The following ZFHX3 variants were observed in gnomAD, a reference collection of about 807,000 sequenced individuals.
ZFHX3 encodes zinc finger homeobox 3.
In ZFHX3, 42 loss-of-function variants were observed where a neutral mutation model predicts 279.1. The ratio of observed to expected loss-of-function variants is 0.15; its 90% confidence interval spans 0.12 to 0.19. ZFHX3 has a LOEUF of 0.19. Among genes scored for constraint, ZFHX3 ranks in the 10% least tolerant of loss-of-function variants. The pLI is 1.00. For synonymous variants in ZFHX3, 2,293 were observed against 1,957.8 expected (o/e 1.17, Z -4.52); for missense variants, 4,981 against 4,754.0 (o/e 1.05, Z -1.40).
At chr16:72,976,793 G>A (rs1418198434) in intron 1 of ZFHX3, among the ~76,000 whole-genome samples, 2 of 152,156 alleles carry the variant, frequency 1.3e-5, no homozygotes, top group African/African-American at 4.8e-5. Context: ...ACTGACCATG[G>A]CATCTCATGG....
chr16:73,177,357 A>G (rs1219026126), intron 5 of ZFHX3, among the ~76,000 whole-genome samples: 1 of 152,244 alleles, frequency 6.6e-6, no homozygotes, highest in Non-Finnish European at 1.5e-5. Flanking sequence ...TTTATAGTGA[A>G]AACTTGCGGA....
chr16:73,776,294 A>G (rs901473843), intron 1 of ZFHX3, among the ~76,000 whole-genome samples: 19 of 152,124 alleles, frequency 1.2e-4, no homozygotes, highest in African/African-American at 4.3e-4. Context: ...TCCCGTCTTT[A>G]TGTAAAACAA....
intron 3 of ZFHX3, among the ~76,000 whole-genome samples, chr16:72,909,267 A>G (rs1388737262): frequency 6.6e-6 from 1 of 152,186 alleles, no homozygotes; most frequent in Non-Finnish European, 1.5e-5. Flanking sequence ...TTCAGAGGGT[A>G]AAAAAGCTTA....
intron 3 of ZFHX3, among the ~76,000 whole-genome samples, chr16:73,398,078 C>A (rs1407516834): frequency 6.6e-6 from 1 of 152,198 alleles, no homozygotes; most frequent in East Asian, 1.9e-4. Flanking sequence ...CTCCTGCCCT[C>A]AGGTGATCCA....
intron 5 of ZFHX3, among the ~76,000 whole-genome samples, chr16:73,250,242 A>T (rs1051957780): frequency 2.6e-5 from 4 of 152,258 alleles, no homozygotes; most frequent in African/African-American, 9.6e-5. Flanking sequence ...ATATCATGAT[A>T]TACCAAGCAT....
At chr16:73,689,823 T>G (rs1043134629) in intron 1 of ZFHX3, among the ~76,000 whole-genome samples, 1 of 150,232 alleles carries the variant, frequency 6.7e-6, no homozygotes, top group African/African-American at 2.5e-5. Context: ...TTTTGTTTTT[T>G]TTGTTGTTGT....
chr16:73,184,716 AT>A (rs1344459784), intron 5 of ZFHX3, among the ~76,000 whole-genome samples: 1 of 152,164 alleles, frequency 6.6e-6, no homozygotes, highest in East Asian at 1.9e-4. Flanking sequence ...AGTGAAATCC[AT>A]TTGCAAGGAT....
chr16:73,172,993 TTTGTTTTTTTTTTTG>T (rs767480220), intron 5 of ZFHX3, among the ~76,000 whole-genome samples: 21 of 52,656 alleles, frequency 4.0e-4, no homozygotes, highest in Admixed American at 8.2e-4. Context: ...GGACTGTTTT[TTTGTTTTTTTTTTTG>T]TTTTTTTTTT....
intron 1 of ZFHX3, among the ~76,000 whole-genome samples, chr16:73,823,906 T>C (rs562290155): frequency 6.6e-6 from 1 of 152,170 alleles, no homozygotes; most frequent in African/African-American, 2.4e-5. Flanking sequence ...AGGTGCATGA[T>C]AAACATTTTT....
chr16:73,883,105 G>GT (rs995381869), intron 1 of ZFHX3, among the ~76,000 whole-genome samples: 2 of 151,946 alleles, frequency 1.3e-5, no homozygotes, highest in African/African-American at 2.4e-5. Flanking sequence ...GATATTTGTG[G>GT]TTTTTTGGTT....
At chr16:73,543,204 A>G (rs1391309448) in intron 2 of ZFHX3, among the ~76,000 whole-genome samples, 3 of 152,242 alleles carry the variant, frequency 2.0e-5, no homozygotes, top group Non-Finnish European at 4.4e-5. Flanking sequence ...ATAACTGAAT[A>G]GGTAAAAAAT....
intron 1 of ZFHX3, among the ~76,000 whole-genome samples, chr16:72,977,595 G>GC (rs1567615484): frequency 6.6e-6 from 1 of 151,382 alleles, no homozygotes; most frequent in Non-Finnish European, 1.5e-5. Flanking sequence ...TCAGTGGGGG[G>GC]AAAAAAATCA....
intron 1 of ZFHX3, among the ~76,000 whole-genome samples, chr16:73,842,913 A>T (rs994654331): frequency 6.6e-6 from 1 of 152,166 alleles, no homozygotes; most frequent in African/African-American, 2.4e-5. Flanking sequence ...CCTCTTTTCT[A>T]ACACTTATTT....
At chr16:73,116,222 T>C (rs908988330) in intron 7 of ZFHX3, among the ~76,000 whole-genome samples, 17 of 151,654 alleles carry the variant, frequency 1.1e-4, no homozygotes, top group Non-Finnish European at 2.5e-4. Context: ...CCTTCAAGAG[T>C]CTCCCAGATG....
intron 3 of ZFHX3, among the ~76,000 whole-genome samples, chr16:72,890,450 A>C (rs2038744045): frequency 6.6e-6 from 1 of 150,868 alleles, no homozygotes; most frequent in African/African-American, 2.4e-5. Context: ...TAGTAGCAGC[A>C]CGGTAATGGA....
intron 2 of ZFHX3, among the ~76,000 whole-genome samples, chr16:73,642,510 C>T (rs1323203254): frequency 1.3e-5 from 2 of 152,156 alleles, no homozygotes; most frequent in African/African-American, 4.8e-5. Flanking sequence ...AATTTGATCA[C>T]GCATATATTC....
intron 3 of ZFHX3, among the ~76,000 whole-genome samples, chr16:73,455,191 T>C (rs1290263803): frequency 1.3e-5 from 2 of 152,188 alleles, no homozygotes; most frequent in East Asian, 1.9e-4. Context: ...CCACACCTGC[T>C]TTTGGAACAA....
chr16:73,623,365 ATT>A (rs534706829), intron 2 of ZFHX3, among the ~76,000 whole-genome samples: 1 of 151,436 alleles, frequency 6.6e-6, no homozygotes, highest in Admixed American at 6.6e-5. Context: ...AGTGCAACAT[ATT>A]TTTTTTTCCA....
At chr16:73,589,009 C>T (rs141543344) in intron 2 of ZFHX3, among the ~76,000 whole-genome samples, 2,758 of 151,828 alleles carry the variant, frequency 0.018, 40 homozygotes, top group Non-Finnish European at 0.031. Flanking sequence ...GCCTGTAATC[C>T]CAGCACTTTG....
Sources: gnomAD v4.1 joint callset for allele counts (sites outside exome capture counted in the v4.1 genomes callset) on GRCh38, gnomAD v4.1.1 for gene constraint, MANE v1.5 for transcripts, NCBI Gene and HGNC (gene_info 2026-07-23, HGNC 2026-07-21) for gene names.